SPEF2: variants seen among roughly 807,000 people sequenced by gnomAD.
SPEF2 encodes the protein sperm flagella and cilia-associated protein 2.
SPEF2 carries 187 observed loss-of-function variants against 224.6 expected under a neutral mutation model. The ratio of observed to expected loss-of-function variants is 0.83; its 90% CI spans 0.74 to 0.94. The LOEUF is 0.94. Ranked by LOEUF, SPEF2 falls within the 40% of genes least tolerant of loss-of-function variation. The pLI is 0.00. For missense variants in SPEF2, 2,170 were observed against 2,135.6 expected (o/e 1.02, Z -0.32); for synonymous variants, 715 against 707.3 (o/e 1.01, Z -0.17).
rs1306300327 is a variant in SPEF2 at position 35,751,043 on chromosome 5, G to GTATA, written c.3331-2572_3331-2569dup. On this transcript the variant is annotated intron_variant, in intron 23 of 36. Transcript: ENST00000356031. ...TATATACGTATATATATACACATAT[G>GTATA]TATATATATATACGTATATATATGT... 2.0e-3 allele frequency among the ~76,000 whole-genome samples: 56 copies of GTATA among 27,688 alleles called. 7 individuals are homozygous for GTATA. The highest frequency in any genetic ancestry group is 6.0e-3 in the African/African-American group (54 of 9,056). The allele number at this position is 27,688 out of a possible 152,430, so 18.2% of individuals were successfully genotyped here. A position where few individuals can be genotyped will look rare whatever the true frequency, so the allele number is the denominator to read the frequency against.
intron 30 of SPEF2, chr5:35,789,142 C>T (rs1208412313): frequency 1.4e-6 from 1 of 702,718 alleles, no homozygotes; most frequent in Non-Finnish European, 2.6e-6. Context: ...TATGTTGTTC[C>T]CAACCTGTGT....
chr5:35,740,820 A>C (rs1747486690), intron 23 of SPEF2, among the ~76,000 whole-genome samples: 1 of 152,206 alleles, frequency 6.6e-6, no homozygotes, highest in South Asian at 2.1e-4. Flanking sequence ...CTGATGCTTT[A>C]GAAAGGGGCC....
chr5:35,640,471 T>C (rs1746471153), intron 2 of SPEF2, among the ~76,000 whole-genome samples: 1 of 152,180 alleles, frequency 6.6e-6, no homozygotes, highest in African/African-American at 2.4e-5. Context: ...ATCATATTCC[T>C]CAAAACATGG....
intron 23 of SPEF2, among the ~76,000 whole-genome samples, chr5:35,751,432 C>A (rs1157988452): frequency 6.6e-6 from 1 of 150,918 alleles, no homozygotes; most frequent in Admixed American, 6.6e-5. Context: ...TACTTATGTA[C>A]CCAAATACCA....
At chr5:35,635,826 A>G (rs1190967668) in intron 2 of SPEF2, among the ~76,000 whole-genome samples, 1 of 152,206 alleles carries the variant, frequency 6.6e-6, no homozygotes, top group Admixed American at 6.5e-5. Context: ...TTAAATAAGC[A>G]CTGGCAGTGT....
Position 35,712,816 on chromosome 5 carries a change from C to A in SPEF2, c.2844C>A (p.Ala948=). The change falls in exon 20 of 37, where the codon GCC becomes GCA. Residue 948 remains alanine, a synonymous_variant. Transcript: ENST00000356031. ...TGTGTGTCGAATTTTGTTTAGAAGC[C>A]CCGCATGGTAAGCAAGAATCTCTTC... ...PTAKGKPQSE[A]PHGKQESLQE... The A allele has an allele frequency of 1.2e-6, 2 of 1,613,512 alleles. No homozygotes were observed. Among genetic ancestry groups the A allele is most frequent in the South Asian group, 2.2e-5 (2 of 91,006 alleles).
chr5:35,657,383 T>C (rs1466784235), intron 7 of SPEF2, among the ~76,000 whole-genome samples: 1 of 152,060 alleles, frequency 6.6e-6, no homozygotes, highest in Admixed American at 6.6e-5. Flanking sequence ...TCAATTTGAC[T>C]TTTTAGGGGA....
chr5:35,779,094 G>A (rs533153198), intron 29 of SPEF2, 23 bp from the exon 30 acceptor site: 38 of 1,567,914 alleles, frequency 2.4e-5, no homozygotes, highest in African/African-American at 8.1e-5. Context: ...TGGGGTTAAC[G>A]CTATCCATTT....
chr5:35,801,594 G>C (rs1016446714), intron 34 of SPEF2, among the ~76,000 whole-genome samples: 5 of 152,130 alleles, frequency 3.3e-5, no homozygotes, highest in Non-Finnish European at 5.9e-5. Context: ...CTTTCCCAGG[G>C]ATGTTTCTGT....
At chr5:35,813,352 C>T (rs1427164847) in intron 36 of SPEF2, among the ~76,000 whole-genome samples, 1 of 151,942 alleles carries the variant, frequency 6.6e-6, no homozygotes, top group African/African-American at 2.4e-5. Flanking sequence ...ATTAGCTGGA[C>T]ATGGTGACAT....
At chr5:35,717,743 G>A (rs771593259) in intron 20 of SPEF2, among the ~76,000 whole-genome samples, 1 of 152,136 alleles carries the variant, frequency 6.6e-6, no homozygotes, top group Non-Finnish European at 1.5e-5. Flanking sequence ...CAAATGATGT[G>A]AACTTCCCAA....
intron 8 of SPEF2, among the ~76,000 whole-genome samples, chr5:35,666,709 A>G (rs930847131): frequency 6.6e-6 from 1 of 152,164 alleles, no homozygotes; most frequent in Non-Finnish European, 1.5e-5. Flanking sequence ...AGCTATGCTT[A>G]GGGTCTGGCA....
rs1010490388 is a variant in SPEF2 at position 35,700,273 on chromosome 5, C to A, written c.2142-223C>A. The A allele has an allele frequency of 5.3e-6, 3 of 567,692 alleles. No individual in the cohort carries two copies. The African/African-American group carries it at 5.6e-5, about 11-fold the overall frequency. The allele number at this position is 567,692 out of a possible 1,614,324, so 35.2% of individuals were successfully genotyped here. A position where few individuals can be genotyped will look rare whatever the true frequency, so the allele number is the denominator to read the frequency against. The stretch of plus-strand genomic sequence containing the variant: ...CCAGTTAATTTTAATGTGTTAAAGC[C>A]TCTGGAATAGATTTGGAGGGCAGCA... On this transcript the variant is annotated intron_variant, in intron 15 of 36. Coordinates refer to ENST00000356031, the MANE Select transcript of SPEF2 (RefSeq NM_024867.4).
intron 17 of SPEF2, among the ~76,000 whole-genome samples, chr5:35,705,329 C>T (rs1335630575): frequency 4.6e-5 from 7 of 152,076 alleles, no homozygotes; most frequent in Non-Finnish European, 1.5e-5. Flanking sequence ...CTGTAGCTAC[C>T]ATCCGAAGAG....
intron 20 of SPEF2, among the ~76,000 whole-genome samples, chr5:35,715,587 G>GT (rs1742389391): frequency 6.6e-6 from 1 of 151,848 alleles, no homozygotes; most frequent in South Asian, 2.1e-4. Flanking sequence ...GATAATGGGC[G>GT]CCTCAAAATG....
chr5:35,635,214 T>A (rs937661518), intron 2 of SPEF2, among the ~76,000 whole-genome samples: 4 of 152,166 alleles, frequency 2.6e-5, no homozygotes, highest in African/African-American at 7.2e-5. Context: ...AGTTTGCTGT[T>A]GAACTCTTAT....
At chr5:35,753,488 C>T in intron 23 of SPEF2, 136 bp from the exon 24 acceptor site, 1 of 1,135,200 alleles carries the variant, frequency 8.8e-7, no homozygotes. Flanking sequence ...TGAGCACATA[C>T]AATACAGGAG....
At position 35,670,194 on chromosome 5, in the gene SPEF2, C is replaced by T. The variant is rs1159458329; in HGVS notation, c.1491C>T (p.Asp497=). Residue 497 remains aspartate (D), a synonymous_variant, in exon 10 of 37, where the codon GAC becomes GAT. Transcript: ENST00000356031. ...AACTTACAGAACTGGAGAAAAGGGA[C>T]TTGCTAGATACCAATGATTATGAAG... The part of the protein sequence containing the change: ...REQLTELEKR[D]LLDTNDYEEY... 1 of 1,611,366 alleles carries T rather than the reference C, an allele frequency of 6.2e-7. No individual in the cohort carries two copies. Among genetic ancestry groups the T allele is most frequent in the East Asian group, 2.2e-5 (1 of 44,724 alleles).
intron 26 of SPEF2, among the ~76,000 whole-genome samples, chr5:35,766,685 G>T (rs946276044): frequency 6.0e-5 from 9 of 150,794 alleles, no homozygotes; most frequent in African/African-American, 1.9e-4. Context: ...TTTTCTTTGG[G>T]TTTACTTTGC....
Sources: allele counts gnomAD v4.1 joint callset (sites outside exome capture counted in the v4.1 genomes callset), GRCh38; gene constraint gnomAD v4.1.1; transcripts MANE v1.5; gene names NCBI Gene and HGNC (gene_info 2026-07-23, HGNC 2026-07-21).